The following ARID4A variants were observed in gnomAD, a reference collection of about 807,000 sequenced individuals.
ARID4A encodes AT-rich interaction domain 4A.
Under a neutral mutation model 148.6 loss-of-function variants are expected in ARID4A, and 39 were observed. The observed-to-expected ratio is 0.26, with a 90% CI of 0.20 to 0.34. ARID4A has a LOEUF of 0.34. ARID4A is among the 10% of genes least tolerant of loss of function. ARID4A has a pLI of 1.00. For synonymous variants in ARID4A, 475 were observed against 481.2 expected (o/e 0.99, Z 0.17); for missense variants, 1,265 against 1,449.1 (o/e 0.87, Z 2.06).
At chr14:58,299,083 C>T (rs2030850943) in intron 1 of ARID4A, among the ~76,000 whole-genome samples, 1 of 152,340 alleles carries the variant, frequency 6.6e-6, no homozygotes, top group Admixed American at 6.5e-5. Flanking sequence ...TGATACCTCT[C>T]TGGGCTGTAC....
intron 18 of ARID4A, among the ~76,000 whole-genome samples, chr14:58,360,565 G>T (rs1046469798): frequency 6.6e-6 from 1 of 152,070 alleles, no homozygotes; most frequent in Admixed American, 6.6e-5. Context: ...CGGGGAGTGC[G>T]GAATAGTTGT....
At chr14:58,306,994 TAGTG>T (rs2031657233) in intron 5 of ARID4A, among the ~76,000 whole-genome samples, 1 of 152,248 alleles carries the variant, frequency 6.6e-6, no homozygotes, top group Non-Finnish European at 1.5e-5. Context: ...ATTGTATTAA[TAGTG>T]AGAAGCAACA....
intron 17 of ARID4A, among the ~76,000 whole-genome samples, chr14:58,354,693 A>AT (rs1245614734): frequency 4.6e-5 from 7 of 150,816 alleles, no homozygotes; most frequent in African/African-American, 1.5e-4. Context: ...ATAAATAAAA[A>AT]AAAAAAAAAA....
At chr14:58,323,353 C>G (rs2033018817) in intron 7 of ARID4A, 132 bp from the exon 8 acceptor site, 1 of 1,047,002 alleles carries the variant, frequency 9.6e-7, no homozygotes, top group Non-Finnish European at 1.4e-6. Context: ...TCTTCAGTTA[C>G]AATAAGAATG....
intron 3 of ARID4A, among the ~76,000 whole-genome samples, chr14:58,303,979 TGC>T (rs2031400585): frequency 6.6e-6 from 1 of 151,630 alleles, no homozygotes; most frequent in Non-Finnish European, 1.5e-5. Context: ...GACATGGTGG[TGC>T]AAACCTGTAA....
At chr14:58,306,679 A>G (rs1041062459) in intron 5 of ARID4A, among the ~76,000 whole-genome samples, 6 of 152,162 alleles carry the variant, frequency 3.9e-5, no homozygotes, top group African/African-American at 7.2e-5. Flanking sequence ...GAAGTTCGAG[A>G]CCAGCCTGGC....
chr14:58,329,530 A>G lies in ARID4A; in HGVS notation c.665A>G (p.Tyr222Cys). Reference sequence around the variant, plus strand: ...CTCCCCTTCTTCTTGATAATTAGTTACTCTATAGCAAGAAAGGACATTAAG... The same window carrying G: ...CTCCCCTTCTTCTTGATAATTAGTTGCTCTATAGCAAGAAAGGACATTAAG... Reference protein sequence around the residue: ...LVRSFIDSKFYSIARKDIKEV... With the variant: ...LVRSFIDSKFCSIARKDIKEV... The change falls in exon 10 of 24, where the codon TAC becomes TGC. Residue 222 changes from tyrosine to cysteine, a missense_variant and splice_region_variant. Physicochemically the swap from Tyr to Cys is radical, Grantham distance 194. Around this residue, in one of 9 missense-constraint regions of ARID4A, gnomAD observed 249 missense variants for 277.2 expected, o/e 0.90. Coordinates refer to ENST00000355431, the MANE Select transcript of ARID4A (RefSeq NM_002892.4). 1.3e-6 allele frequency: 2 copies of G among 1,589,216 alleles called. No individual in the cohort carries two copies. The highest frequency in any genetic ancestry group is 1.7e-6 in the Non-Finnish European group (2 of 1,158,080).
chr14:58,366,832 TTC>T, intron 22 of ARID4A, 49 bp from the exon 23 acceptor site: 1 of 1,364,250 alleles, frequency 7.3e-7, no homozygotes, highest in South Asian at 1.5e-5. Flanking sequence ...GTCATCATTT[TTC>T]TCACAGAATT....
intron 7 of ARID4A, among the ~76,000 whole-genome samples, chr14:58,321,578 C>G (rs773231177): frequency 6.6e-6 from 1 of 151,988 alleles, no homozygotes; most frequent in Non-Finnish European, 1.5e-5. Flanking sequence ...TACAAGGGTC[C>G]CTCATTTATT....
In ARID4A at chr14:58,373,472, T is replaced by C. The variant is rs184440613; in HGVS notation, c.*1483T>C. ...AATAACCTAGATGCTCTAGACTGTA[T>C]ATCAGGATCTGATTTACAAGAAAAA... On this transcript the variant is annotated 3_prime_UTR_variant, in exon 24 of 24. Coordinates refer to ENST00000355431, the MANE Select transcript of ARID4A (RefSeq NM_002892.4). 1.1e-3 allele frequency: 204 copies of C among 179,892 alleles called. No individual in the cohort carries two copies. The highest frequency in any genetic ancestry group is 1.9e-3 in the Non-Finnish European group (162 of 83,986). The allele number at this position is 179,892 out of a possible 1,614,324, so 11.1% of individuals were successfully genotyped here. A position where few individuals can be genotyped will look rare whatever the true frequency, so the allele number is the denominator to read the frequency against.
chr14:58,310,315 A>G (rs1355529389), intron 5 of ARID4A, among the ~76,000 whole-genome samples: 2 of 152,148 alleles, frequency 1.3e-5, no homozygotes, highest in Admixed American at 6.6e-5. Flanking sequence ...ATTGAAGCTA[A>G]AGCAATCTTG....
chr14:58,317,280 C>CT (rs2140159556), intron 5 of ARID4A, among the ~76,000 whole-genome samples: 1 of 145,276 alleles, frequency 6.9e-6, no homozygotes, highest in East Asian at 2.1e-4. Context: ...TTCTTTCTTT[C>CT]TTCTTTTTTA....
intron 5 of ARID4A, among the ~76,000 whole-genome samples, chr14:58,313,408 G>A (rs56208804): frequency 0.73 from 110,336 of 152,052 alleles, 40,559 homozygotes; most frequent in Middle Eastern, 0.87. Context: ...GCAGTTCACA[G>A]GCATTTGCGC....
At chr14:58,357,371 G>A (rs1042566395) in intron 17 of ARID4A, among the ~76,000 whole-genome samples, 5 of 152,194 alleles carry the variant, frequency 3.3e-5, no homozygotes, top group Non-Finnish European at 5.9e-5. Context: ...ATGGTACCAT[G>A]TCAACTGAAA....
At chr14:58,361,119 A>G (rs2140262800) in intron 19 of ARID4A, 77 bp downstream of exon 19, 8 of 1,493,944 alleles carry the variant, frequency 5.4e-6, no homozygotes, top group Non-Finnish European at 7.1e-6. Flanking sequence ...AATTTTGAGG[A>G]TGGCTGACTT....
rs2034369072 is a variant in ARID4A, at chr14:58,346,464, A to G, written c.1033A>G (p.Lys345Glu). The G allele has an allele frequency of 6.2e-7, 1 of 1,610,818 alleles. No individual in the cohort carries two copies. The highest frequency in any genetic ancestry group is 1.7e-5 in the Admixed American group (1 of 59,722). ...GGGCTATAAAGATCTCAATCTCTTC[A>G]AACTCTTCAGACTGGTTTATCATCA... ...VLGYKDLNLF[K>E]LFRLVYHQGG... The change falls in exon 13 of 24, where the codon AAA (lysine) becomes GAA (glutamate). Residue 345 changes from lysine to glutamate, a missense_variant. This residue lies in a region of ARID4A where 249 missense variants were observed against 277.2 expected (regional missense o/e 0.90). Coordinates refer to ENST00000355431, the MANE Select transcript of ARID4A (RefSeq NM_002892.4).
In ARID4A at chr14:58,302,208, A is replaced by G. The variant is rs1029182457; in HGVS notation, c.117+518A>G. Among the ~76,000 whole-genome samples, 4 of 152,082 alleles carry G rather than the reference A, an allele frequency of 2.6e-5. No homozygotes were observed. In the South Asian group the frequency reaches 6.2e-4, roughly 24 times the overall value. On this transcript the variant is annotated intron_variant, in intron 3 of 23. Coordinates refer to ENST00000355431, the MANE Select transcript of ARID4A (RefSeq NM_002892.4). ...CCCTGTCTCTACTAAAATTGCAAAAATTAGACCCGGCGCGGTGACTCACGC... is the reference window on the plus strand; with the variant it reads ...CCCTGTCTCTACTAAAATTGCAAAAGTTAGACCCGGCGCGGTGACTCACGC...
Position 58,347,666 on chromosome 14 carries a change from G to C in ARID4A, c.1192G>C (p.Glu398Gln). 1 of 1,607,910 alleles carries C rather than the reference G, an allele frequency of 6.2e-7. No homozygotes were observed. The highest frequency in any genetic ancestry group is 8.5e-7 in the Non-Finnish European group (1 of 1,177,158). The change falls in exon 15 of 24, where the codon GAG (glutamate) becomes CAG (glutamine). Residue 398 changes from glutamate to glutamine, a missense_variant. Physicochemically the swap from Glu to Gln is conservative, Grantham distance 29 (BLOSUM62 2). Around this residue, in one of 9 missense-constraint regions of ARID4A, gnomAD observed 205 missense variants for 196.9 expected, o/e 1.04. Coordinates refer to ENST00000355431, the MANE Select transcript of ARID4A (RefSeq NM_002892.4). ...AYRKYLYGFE[E>Q]YCRSANIQFR... is the part of the protein sequence containing the mutation. ...GTTTAGGTATCTCTATGGTTTTGAG[G>C]AGTACTGCCGTTCGGCAAATATTCA...
intron 11 of ARID4A, among the ~76,000 whole-genome samples, chr14:58,339,979 A>G (rs191493153): frequency 5.9e-5 from 9 of 152,092 alleles, no homozygotes; most frequent in Admixed American, 3.3e-4. Flanking sequence ...CCATGATCCA[A>G]TCACCTCCCA....
Sources: allele counts gnomAD v4.1 joint callset (sites outside exome capture counted in the v4.1 genomes callset), GRCh38; gene constraint gnomAD v4.1.1; regional missense constraint gnomAD v4.1.1; transcripts MANE v1.5; gene names NCBI Gene and HGNC (gene_info 2026-07-23, HGNC 2026-07-21).